The following HPS5 variants were observed in gnomAD, a reference collection of about 807,000 sequenced individuals.
HPS5 encodes the protein HPS5 biogenesis of lysosomal organelles complex 2 subunit 2.
A neutral mutation model predicts 128.0 loss-of-function variants in HPS5; 83 were observed. The observed-to-expected ratio is 0.65, with a 90% CI of 0.54 to 0.78. The LOEUF (loss-of-function observed/expected upper bound fraction) is 0.78. Ranked by LOEUF, HPS5 falls within the 30% of genes least tolerant of loss-of-function variation. HPS5 has a pLI of 0.00. For synonymous variants in HPS5, 475 were observed against 470.2 expected (o/e 1.01, Z -0.13); for missense variants, 1,281 against 1,326.2 (o/e 0.97, Z 0.53).
Position 18,283,712 on chromosome 11 carries a change from G to C in HPS5, c.3058+83C>G, listed in dbSNP as rs185448288. 28 of 871,632 alleles carry C rather than the reference G, an allele frequency of 3.2e-5. No homozygotes were observed. In the East Asian group the frequency reaches 6.7e-4, roughly 21 times the overall value. 54.0% of individuals were successfully genotyped at this position (871,632 alleles called of 1,614,324 possible). On this transcript the variant is annotated intron_variant, in intron 21 of 22. Coordinates refer to ENST00000349215, the MANE Select transcript of HPS5 (RefSeq NM_181507.2). ...CATATTAAATATATGATCATTGAAA[G>C]GTTCACCAAATTTTTTTGTTGAGAG...
chr11:18,311,196 A>G (rs1415798323), intron 4 of HPS5, among the ~76,000 whole-genome samples, 191 bp downstream of exon 4: 1 of 152,196 alleles, frequency 6.6e-6, no homozygotes, highest in East Asian at 1.9e-4. Context: ...AGCATTTTCT[A>G]CAAATACTAG....
chr11:18,284,021 A>C (rs1859371123), intron 20 of HPS5, 120 bp from the exon 21 acceptor site: 1 of 698,732 alleles, frequency 1.4e-6, no homozygotes, highest in African/African-American at 1.8e-5. Flanking sequence ...AATTAAAAGT[A>C]AATAACATCT....
At chr11:18,293,061 A>T in intron 14 of HPS5, 85 bp from the exon 15 acceptor site, 2 of 1,038,056 alleles carry the variant, frequency 1.9e-6, no homozygotes, top group Non-Finnish European at 3.0e-6. Flanking sequence ...TCACTCTGTC[A>T]CCCAGGCTGC....
At chr11:18,293,390 T>C (rs1340521946) in intron 14 of HPS5, among the ~76,000 whole-genome samples, 1 of 152,128 alleles carries the variant, frequency 6.6e-6, no homozygotes, top group African/African-American at 2.4e-5. Flanking sequence ...GTCAGAATGG[T>C]CCCGATCTCC....
intron 7 of HPS5, 91 bp downstream of exon 7, chr11:18,306,044 A>T (rs1030055288): frequency 2.0e-6 from 2 of 1,002,884 alleles, no homozygotes; most frequent in African/African-American, 3.2e-5. Context: ...GTATAATAAA[A>T]TCTTTAACAC....
At chr11:18,280,047 A>T in intron 22 of HPS5, 105 bp from the exon 23 acceptor site, 1 of 1,144,976 alleles carries the variant, frequency 8.7e-7, no homozygotes. Context: ...AAGTTGACTG[A>T]TTCTGTGCAT....
Position 18,291,888 on chromosome 11 carries a change from G to GA in HPS5, c.1993dup (p.Ser665PhefsTer13). The GA allele has an allele frequency of 4.4e-6, 7 of 1,606,640 alleles. No homozygotes were observed. Among genetic ancestry groups the GA allele is most frequent in the Non-Finnish European group, 6.0e-6 (7 of 1,176,418 alleles). On this transcript the variant is annotated frameshift_variant, in exon 16 of 23. Coordinates refer to ENST00000349215, the MANE Select transcript of HPS5 (RefSeq NM_181507.2). LOFTEE classifies it high-confidence loss of function. Reference sequence around the variant, plus strand: ...CACATCCTGGTTCAATTTCATGGATGAGTTGTCAGTATCTGAAACACCTGA... The same window carrying GA: ...CACATCCTGGTTCAATTTCATGGATGAAGTTGTCAGTATCTGAAACACCTGA...
rs181719917 is a variant in HPS5 at position 18,299,269 on chromosome 11, T to C, written c.986-299A>G. ...GACATTAAAAGAGGATAATCTACAT[T>C]AGAGGCCAGACTATAAGGTTCGAGT... On this transcript the variant is annotated intron_variant, in intron 9 of 22. Transcript: ENST00000349215. Among the ~76,000 whole-genome samples, 12 of 152,312 alleles carry C rather than the reference T, an allele frequency of 7.9e-5. No homozygotes were observed. In the East Asian group the frequency reaches 1.2e-3, roughly 15 times the overall value.
chr11:18,319,863 C>G lies in HPS5; in HGVS notation c.-49-1956G>C, dbSNP rs868189243. Reference sequence around the variant, plus strand: ...TCTTCAACAGATTTGTAGGTAGTAGCTAAAAGTAGAGTCTAGAACGAAAGG... The same window carrying G: ...TCTTCAACAGATTTGTAGGTAGTAGGTAAAAGTAGAGTCTAGAACGAAAGG... On this transcript the variant is annotated intron_variant, in intron 1 of 22. Coordinates refer to ENST00000349215, the MANE Select transcript of HPS5 (RefSeq NM_181507.2). Among the ~76,000 whole-genome samples the G allele has an allele frequency of 3.6e-4, 55 of 152,004 alleles. 1 individual carries two copies. The highest frequency in any genetic ancestry group is 1.2e-3 in the African/African-American group (48 of 41,452).
At chr11:18,290,345 T>C (rs899829718) in intron 16 of HPS5, among the ~76,000 whole-genome samples, 3 of 152,228 alleles carry the variant, frequency 2.0e-5, no homozygotes, top group Non-Finnish European at 4.4e-5. Flanking sequence ...TTACAGCAGT[T>C]TAGCTACCTA....
intron 6 of HPS5, 84 bp from the exon 7 acceptor site, chr11:18,306,431 A>G (rs1026018525): frequency 2.4e-6 from 2 of 819,344 alleles, no homozygotes. Context: ...CATGGGCATA[A>G]TAACTCCACT....
rs1377004880 is a variant in HPS5 at position 18,281,950 on chromosome 11, C to T, written c.3329G>A (p.Arg1110Lys). 3.1e-6 allele frequency: 5 copies of T among 1,614,160 alleles called. No homozygotes were observed. Among genetic ancestry groups the T allele is most frequent in the South Asian group, 1.1e-5 (1 of 91,078 alleles). Reference protein sequence around the residue: ...DILRIAEKRQRALIQSMLEKC... With the variant: ...DILRIAEKRQKALIQSMLEKC... ...AGAGGGTAGGACAAACTGATATTAC[C>T]TCTGCCTTTTCTCAGCAATCCTCAG... Residue 1110 changes from arginine to lysine, a missense_variant and splice_region_variant, in exon 22 of 23, where the codon AGG becomes AAG. Coordinates refer to ENST00000349215, the MANE Select transcript of HPS5 (RefSeq NM_181507.2).
chr11:18,286,832 C>T (rs1590057639), intron 18 of HPS5, 122 bp from the exon 19 acceptor site: 1 of 1,266,772 alleles, frequency 7.9e-7, no homozygotes, highest in Non-Finnish European at 1.1e-6. Flanking sequence ...AACTTGAAAA[C>T]TCTTCTGCTA....
intron 18 of HPS5, among the ~76,000 whole-genome samples, chr11:18,287,081 C>T (rs1859841302): frequency 6.6e-6 from 1 of 151,902 alleles, no homozygotes; most frequent in African/African-American, 2.4e-5. Context: ...AAATGTGAAC[C>T]AATCAAAAGA....
At chr11:18,286,415 T>C (rs1299059767) in intron 19 of HPS5, among the ~76,000 whole-genome samples, 176 bp downstream of exon 19, 1 of 152,066 alleles carries the variant, frequency 6.6e-6, no homozygotes, top group Non-Finnish European at 1.5e-5. Flanking sequence ...TGTGCTCCTG[T>C]CTTCCCAGCT....
intron 12 of HPS5, 90 bp from the exon 13 acceptor site, chr11:18,296,212 G>A (rs1032940562): frequency 1.4e-5 from 19 of 1,351,848 alleles, no homozygotes; most frequent in African/African-American, 2.9e-5. Flanking sequence ...TGAATAAACC[G>A]AAAGAAATGA....
intron 6 of HPS5, among the ~76,000 whole-genome samples, chr11:18,308,306 T>C (rs1398484006): frequency 6.6e-6 from 1 of 152,210 alleles, no homozygotes; most frequent in Non-Finnish European, 1.5e-5. Flanking sequence ...TAAAATTCTA[T>C]TAAAATAAAA....
chr11:18,285,579 T>A, intron 19 of HPS5, 120 bp from the exon 20 acceptor site: 1 of 722,844 alleles, frequency 1.4e-6, no homozygotes, highest in Non-Finnish European at 2.3e-6. Context: ...TTTAAAAACA[T>A]TGCTATTTGG....
intron 16 of HPS5, 51 bp downstream of exon 16, chr11:18,291,391 A>C (rs7110937): frequency 8.4e-7 from 1 of 1,189,900 alleles, no homozygotes; most frequent in African/African-American, 1.5e-5. Context: ...CAAAACTGCT[A>C]ATGTTTTTTA....
Sources: allele counts gnomAD v4.1 joint callset (sites outside exome capture counted in the v4.1 genomes callset), GRCh38; gene constraint gnomAD v4.1.1; transcripts MANE v1.5; gene names NCBI Gene and HGNC (gene_info 2026-07-23, HGNC 2026-07-21).